The following PON1 variants were observed in gnomAD, a reference collection of about 807,000 sequenced individuals.
PON1 encodes the protein serum paraoxonase/arylesterase 1.
A neutral mutation model predicts 39.2 loss-of-function variants in PON1; 37 were observed. The ratio of observed to expected loss-of-function variants is 0.94; its 90% CI spans 0.73 to 1.24. PON1 has a LOEUF of 1.24. Ranked by LOEUF, PON1 falls within the 50% of genes most tolerant of loss-of-function variation. The pLI is 0.00. For missense variants in PON1, 397 were observed against 413.5 expected (o/e 0.96, Z 0.35); for synonymous variants, 148 against 152.2 (o/e 0.97, Z 0.21).
intron 4 of PON1, among the ~76,000 whole-genome samples, chr7:95,312,990 T>C (rs1807688588): frequency 6.6e-6 from 1 of 152,204 alleles, no homozygotes. Context: ...CTTTGCTCAC[T>C]GGGGTATTTG....
chr7:95,315,222 T>C lies in PON1; in HGVS notation c.370+100A>G, dbSNP rs181312239. 187 of 1,092,694 alleles carry C rather than the reference T, an allele frequency of 1.7e-4. No individual in the cohort carries two copies. The East Asian group carries it at 4.4e-3, about 26-fold the overall frequency. The allele number at this position is 1,092,694 out of a possible 1,614,324, so 67.7% of individuals were successfully genotyped here. On this transcript the variant is annotated intron_variant, in intron 4 of 8. Coordinates refer to ENST00000222381, the MANE Select transcript of PON1 (RefSeq NM_000446.7). Reference sequence around the variant, plus strand: ...AGAGTAAGAACATTATTCATGACTATGCTTTGTTTGAATGAGAAAAAATAA... The same window carrying C: ...AGAGTAAGAACATTATTCATGACTACGCTTTGTTTGAATGAGAAAAAATAA...
At position 95,311,734 on chromosome 7, in the gene PON1, C is replaced by T. The variant is rs574543433; in HGVS notation, c.371-157G>A. Among the ~76,000 whole-genome samples, 11 of 152,284 alleles carry T rather than the reference C, an allele frequency of 7.2e-5. No homozygotes were observed. The East Asian group carries it at 2.1e-3, about 29-fold the overall frequency. On this transcript the variant is annotated intron_variant, in intron 4 of 8. Transcript: ENST00000222381. ...TTGTAGAGAGAAGCATTGGTGATTG[C>T]TCCTGTTCCAAACAAAAGTGGCTCA...
intron 8 of PON1, among the ~76,000 whole-genome samples, chr7:95,300,245 T>C (rs1255781550): frequency 1.3e-5 from 2 of 152,202 alleles, no homozygotes; most frequent in East Asian, 3.8e-4. Context: ...TACACTGAGG[T>C]GGGAGACCTG....
intron 2 of PON1, among the ~76,000 whole-genome samples, chr7:95,317,539 C>A (rs1401293995): frequency 7.0e-6 from 1 of 141,854 alleles, no homozygotes; most frequent in African/African-American, 2.7e-5. Context: ...GCCTCCTGAG[C>A]CTTAATCAAC....
Position 95,305,489 on chromosome 7 carries a change from T to C in PON1, c.780+796A>G, listed in dbSNP as rs568940083. The stretch of plus-strand genomic sequence containing the variant: ...CAGAAGCAAATAGAAAAACAGCCTG[T>C]CCTTGTGGAGCTTACACCCTAGTTG... On this transcript the variant is annotated intron_variant, in intron 7 of 8. Transcript: ENST00000222381. Among the ~76,000 whole-genome samples the C allele has an allele frequency of 5.3e-5, 8 of 152,304 alleles. No individual in the cohort carries two copies. The East Asian group carries it at 1.5e-3, about 29-fold the overall frequency.
Position 95,299,005 on chromosome 7 carries a change from A to G in PON1, c.1007T>C (p.Val336Ala), listed in dbSNP as rs767229951. Residue 336 changes from valine (V) to alanine (A), a missense_variant, in exon 9 of 9, where the codon GTG (valine) becomes GCG (alanine). By Grantham distance (64) the Val-to-Ala change is moderately conservative (BLOSUM62 0). Coordinates refer to ENST00000222381, the MANE Select transcript of PON1 (RefSeq NM_000446.7). ...GCCAATCAGCAGTTTCCCTTTGTAC[A>G]CAGAGGCAACTGTACTGCCTTGCAA... ...TVLQGSTVAS[V>A]YKGKLLIGTV... 3.1e-6 allele frequency: 5 copies of G among 1,614,184 alleles called. No homozygotes were observed. Among genetic ancestry groups the G allele is most frequent in the East Asian group, 4.5e-5 (2 of 44,882 alleles).
rs556919815 is a variant in PON1, at chr7:95,323,899, C to G, written c.74+503G>C. Among the ~76,000 whole-genome samples the G allele has an allele frequency of 1.1e-4, 17 of 152,294 alleles. No homozygotes were observed. The East Asian group carries it at 3.3e-3, about 29-fold the overall frequency. On this transcript the variant is annotated intron_variant, in intron 1 of 8. Transcript: ENST00000222381. Reference sequence around the variant, plus strand: ...CCCCCACTGAAGCGAACCATCACAGCACACGTTAGCTCCACCTGCTCGGGT... The same window carrying G: ...CCCCCACTGAAGCGAACCATCACAGGACACGTTAGCTCCACCTGCTCGGGT...
Position 95,298,943 on chromosome 7 carries a change from G to C in PON1, c.*1C>G, listed in dbSNP as rs768969507. On this transcript the variant is annotated 3_prime_UTR_variant, in exon 9 of 9. Coordinates refer to ENST00000222381, the MANE Select transcript of PON1 (RefSeq NM_000446.7). Reference sequence around the variant, plus strand: ...CTATGGCATGGGTGCAAATCGGTCTGTTAGAGCTCACAGTAAAGAGCTTTG... The same window carrying C: ...CTATGGCATGGGTGCAAATCGGTCTCTTAGAGCTCACAGTAAAGAGCTTTG... The C allele has an allele frequency of 4.3e-6, 7 of 1,614,018 alleles. No homozygotes were observed. In the African/African-American group the frequency reaches 8.0e-5, roughly 18 times the overall value.
chr7:95,307,334 T>TA (rs1807564731), intron 6 of PON1, among the ~76,000 whole-genome samples: 1 of 152,114 alleles, frequency 6.6e-6, no homozygotes, highest in East Asian at 1.9e-4. Flanking sequence ...ATTACAGGCA[T>TA]GAACCACCAC....
At chr7:95,311,698 T>C in intron 4 of PON1, 121 bp from the exon 5 acceptor site, 2 of 1,044,040 alleles carry the variant, frequency 1.9e-6, no homozygotes, top group East Asian at 2.5e-5. Flanking sequence ...AGATGGAATA[T>C]TTTCATCTCT....
At chr7:95,320,368 A>G (rs775176363) in intron 1 of PON1, among the ~76,000 whole-genome samples, 9 of 152,324 alleles carry the variant, frequency 5.9e-5, no homozygotes, top group Admixed American at 2.0e-4. Context: ...AATCACAGTT[A>G]AAGGGAGCCC....
At chr7:95,304,315 A>G (rs1807494334) in intron 7 of PON1, among the ~76,000 whole-genome samples, 1 of 148,896 alleles carries the variant, frequency 6.7e-6, no homozygotes, top group South Asian at 2.1e-4. Context: ...AGCAGGTATC[A>G]GAACTTCATT....
chr7:95,317,011 T>C (rs1807783067), intron 2 of PON1, among the ~76,000 whole-genome samples: 1 of 152,236 alleles, frequency 6.6e-6, no homozygotes. Context: ...TTACACTTAG[T>C]ATATTTGTTT....
chr7:95,316,696 A>T (rs1369568772), intron 3 of PON1, 38 bp downstream of exon 3: 1 of 1,565,784 alleles, frequency 6.4e-7, no homozygotes, highest in African/African-American at 1.4e-5. Flanking sequence ...GTCCTAGAAA[A>T]CGTTCTAGAA....
chr7:95,316,818 G>A (rs545235432), intron 2 of PON1, 29 bp from the exon 3 acceptor site: 3 of 1,580,578 alleles, frequency 1.9e-6, no homozygotes, highest in South Asian at 1.1e-5. Flanking sequence ...GAAAGTACAG[G>A]TTGTTTCATA....
At chr7:95,308,636 T>C (rs1006788111) in intron 5 of PON1, among the ~76,000 whole-genome samples, 5 of 152,018 alleles carry the variant, frequency 3.3e-5, no homozygotes, top group South Asian at 2.1e-4. Flanking sequence ...CCATAAGAAA[T>C]TGAAAAAATG....
chr7:95,321,448 C>T (rs1563601639), intron 1 of PON1, among the ~76,000 whole-genome samples: 1 of 152,252 alleles, frequency 6.6e-6, no homozygotes, highest in South Asian at 2.1e-4. Flanking sequence ...TTTTCTGCTA[C>T]TACACACGCC....
At chr7:95,300,752 G>C (rs532762752) in intron 8 of PON1, among the ~76,000 whole-genome samples, 3 of 152,176 alleles carry the variant, frequency 2.0e-5, no homozygotes, top group Non-Finnish European at 2.9e-5. Context: ...GTTACTAAAT[G>C]AGCTAACAAG....
At chr7:95,299,690 A>G (rs3917599) in intron 8 of PON1, among the ~76,000 whole-genome samples, 4,544 of 152,176 alleles carry the variant, frequency 0.03, 127 homozygotes, top group South Asian at 0.1. Flanking sequence ...GCCCTCAAAC[A>G]TCAGACTCCA....
Sources: allele counts gnomAD v4.1 joint callset (sites outside exome capture counted in the v4.1 genomes callset), GRCh38; gene constraint gnomAD v4.1.1; transcripts MANE v1.5; gene names NCBI Gene and HGNC (gene_info 2026-07-23, HGNC 2026-07-21).